The following CHN1 variants were observed in gnomAD, a reference collection of about 807,000 sequenced individuals.
CHN1 encodes the protein chimerin 1.
A neutral mutation model predicts 59.5 loss-of-function variants in CHN1; 37 were observed. The observed-to-expected ratio is 0.62, with a 90% CI of 0.48 to 0.82. The LOEUF is 0.82. CHN1 is among the 40% of genes least tolerant of loss of function. The pLI, the probability that CHN1 is intolerant of heterozygous loss-of-function variation, is 0.00. For synonymous variants in CHN1, 206 were observed against 200.4 expected (o/e 1.03, Z -0.24); for missense variants, 469 against 571.0 (o/e 0.82, Z 1.82).
At chr2:174,972,654 A>ATGCTTGTCCCTTTT (rs1690795998) in intron 1 of CHN1, among the ~76,000 whole-genome samples, 1 of 152,114 alleles carries the variant, frequency 6.6e-6, no homozygotes, top group Admixed American at 6.5e-5. Context: ...AAGTAAAGTG[A>ATGCTTGTCCCTTTT]GATCTTGGAA....
chr2:174,843,785 T>C (rs1015303417), intron 7 of CHN1, among the ~76,000 whole-genome samples: 6 of 152,074 alleles, frequency 3.9e-5, no homozygotes, highest in African/African-American at 1.4e-4. Flanking sequence ...ACTCAATTTT[T>C]CCGATGTAGA....
At chr2:174,823,559 A>G (rs1685573403) in intron 8 of CHN1, among the ~76,000 whole-genome samples, 1 of 152,014 alleles carries the variant, frequency 6.6e-6, no homozygotes, top group Middle Eastern at 3.4e-3. Context: ...GCTACTCGGG[A>G]GGCTGAGGCA....
At chr2:174,889,980 AT>A in intron 5 of CHN1, among the ~76,000 whole-genome samples, 1 of 152,058 alleles carries the variant, frequency 6.6e-6, no homozygotes, top group African/African-American at 2.4e-5. Context: ...TAAAAAAACA[AT>A]GAAACAAAAA....
intron 8 of CHN1, among the ~76,000 whole-genome samples, chr2:174,816,200 G>A (rs1262412748): frequency 1.3e-5 from 2 of 152,212 alleles, no homozygotes; most frequent in South Asian, 2.1e-4. Context: ...CTTGGGCTGA[G>A]AGGTTGCTGC....
intron 6 of CHN1, among the ~76,000 whole-genome samples, chr2:174,872,145 T>G (rs1201375973): frequency 6.6e-6 from 1 of 151,992 alleles, no homozygotes; most frequent in Non-Finnish European, 1.5e-5. Flanking sequence ...TAGCCAGGTA[T>G]GGTAATGCAC....
intron 3 of CHN1, among the ~76,000 whole-genome samples, chr2:174,928,983 G>GA (rs1035886400): frequency 5.3e-5 from 8 of 152,028 alleles, no homozygotes; most frequent in African/African-American, 1.7e-4. Flanking sequence ...GACTTACAGG[G>GA]AAAAAAATCA....
intron 3 of CHN1, among the ~76,000 whole-genome samples, chr2:174,918,973 T>C (rs963151069): frequency 1.3e-5 from 2 of 152,152 alleles, no homozygotes; most frequent in African/African-American, 4.8e-5. Flanking sequence ...CAGTTAGCAT[T>C]TCCATATACT....
intron 8 of CHN1, among the ~76,000 whole-genome samples, chr2:174,823,665 A>G (rs998536459): frequency 7.8e-6 from 1 of 128,610 alleles, no homozygotes; most frequent in African/African-American, 3.4e-5. Context: ...TCTGTCTCAG[A>G]AAAAAAAAAA....
chr2:174,950,330 G>C (rs867339989), intron 2 of CHN1, among the ~76,000 whole-genome samples: 1 of 151,106 alleles, frequency 6.6e-6, no homozygotes, highest in Non-Finnish European at 1.5e-5. Flanking sequence ...GCAAAGGTGC[G>C]ATCTCAGCTC....
intron 6 of CHN1, among the ~76,000 whole-genome samples, chr2:174,867,321 G>A (rs1453032787): frequency 6.6e-6 from 1 of 151,248 alleles, no homozygotes; most frequent in Non-Finnish European, 1.5e-5. Flanking sequence ...AGGTTGCAGT[G>A]AGCCGAGATT....
chr2:174,983,751 C>A (rs1266609879), intron 1 of CHN1, among the ~76,000 whole-genome samples: 2 of 152,090 alleles, frequency 1.3e-5, no homozygotes, highest in Admixed American at 1.3e-4. Context: ...TTAGTTGAAC[C>A]CAGGAGGCTG....
intron 6 of CHN1, among the ~76,000 whole-genome samples, chr2:174,854,742 G>A (rs1686844242): frequency 6.6e-6 from 1 of 152,148 alleles, no homozygotes; most frequent in Admixed American, 6.5e-5. Flanking sequence ...GCACAGAAAG[G>A]AAATCAATAA....
intron 1 of CHN1, among the ~76,000 whole-genome samples, chr2:174,992,993 T>C (rs1194751964): frequency 6.6e-6 from 1 of 152,066 alleles, no homozygotes; most frequent in Non-Finnish European, 1.5e-5. Flanking sequence ...TCTCACTACA[T>C]TGCTCAGGCT....
chr2:174,904,859 C>T (rs1351486067), intron 5 of CHN1, among the ~76,000 whole-genome samples: 1 of 152,072 alleles, frequency 6.6e-6, no homozygotes, highest in East Asian at 1.9e-4. Flanking sequence ...ACAGAGGTTA[C>T]GGGTTACAAG....
intron 5 of CHN1, among the ~76,000 whole-genome samples, chr2:174,878,708 G>A (rs1295028070): frequency 1.3e-5 from 2 of 152,234 alleles, no homozygotes; most frequent in Non-Finnish European, 2.9e-5. Flanking sequence ...CACAGGCCAA[G>A]GACTTATTCT....
intron 2 of CHN1, among the ~76,000 whole-genome samples, chr2:174,947,756 T>A (rs1016505546): frequency 2.0e-5 from 3 of 152,138 alleles, no homozygotes; most frequent in African/African-American, 7.2e-5. Flanking sequence ...AATGCTGGGA[T>A]TACAGGTGTG....
intron 1 of CHN1, among the ~76,000 whole-genome samples, chr2:174,966,377 T>C (rs538408592): frequency 6.6e-6 from 1 of 150,744 alleles, no homozygotes; most frequent in Non-Finnish European, 1.5e-5. Context: ...GCAACTACAG[T>C]GCTCACATTA....
intron 1 of CHN1, among the ~76,000 whole-genome samples, chr2:174,970,229 T>C (rs568170374): frequency 1.1e-4 from 16 of 152,328 alleles, no homozygotes; most frequent in Non-Finnish European, 2.2e-4. Context: ...CCAAGTATGA[T>C]GGTTGTCTTG....
chr2:174,879,846 A>C (rs2105335606), intron 5 of CHN1, among the ~76,000 whole-genome samples: 1 of 152,330 alleles, frequency 6.6e-6, no homozygotes, highest in African/African-American at 2.4e-5. Context: ...ACTTAAAAAC[A>C]ATCCAAGCAA....
Sources: gnomAD v4.1 joint callset for allele counts (sites outside exome capture counted in the v4.1 genomes callset) on GRCh38, gnomAD v4.1.1 for gene constraint, MANE v1.5 for transcripts, NCBI Gene and HGNC (gene_info 2026-07-23, HGNC 2026-07-21) for gene names.